Variants in CSMD1 observed in about 807,000 individuals in gnomAD.
CSMD1 encodes the protein CUB and sushi domain-containing protein 1.
Under a neutral mutation model 417.5 loss-of-function variants are expected in CSMD1, and 213 were observed. That is an observed-to-expected ratio of 0.51 (90% CI 0.46 to 0.57). The LOEUF (loss-of-function observed/expected upper bound fraction) is 0.57, where lower values mean the gene tolerates loss of function less well. Ranked by LOEUF, CSMD1 falls within the 20% of genes least tolerant of loss-of-function variation. CSMD1 has a pLI of 0.00. For synonymous variants in CSMD1, 2,862 were observed against 1,736.8 expected (o/e 1.65, Z -16.11); for missense variants, 6,923 against 4,529.7 (o/e 1.53, Z -15.17).
chr8:4,064,508 G>A (rs953135686), intron 3 of CSMD1, among the ~76,000 whole-genome samples: 2 of 152,186 alleles, frequency 1.3e-5, no homozygotes, highest in Non-Finnish European at 2.9e-5. Context: ...ATGTGAGGCA[G>A]GGATAACATC....
At chr8:3,826,690 G>T (rs114332086) in intron 5 of CSMD1, among the ~76,000 whole-genome samples, 3,028 of 152,148 alleles carry the variant, frequency 0.02, 119 homozygotes, top group African/African-American at 0.069. Context: ...ACTCTGACTT[G>T]GTCCTTGATA....
intron 12 of CSMD1, among the ~76,000 whole-genome samples, chr8:3,436,854 G>A (rs773185453): frequency 7.9e-5 from 12 of 151,962 alleles, no homozygotes; most frequent in Non-Finnish European, 1.3e-4. Flanking sequence ...GTTATGATTC[G>A]GGATTATTAG....
rs143720853 is a variant in CSMD1, at chr8:4,562,868, A to G, written c.302+74474T>C. Among the ~76,000 whole-genome samples, 584 of 152,296 alleles carry G rather than the reference A, an allele frequency of 3.8e-3. 5 individuals carry two copies. The highest frequency in any genetic ancestry group is 0.014 in the African/African-American group (567 of 41,552). The stretch of plus-strand genomic sequence containing the variant: ...TTCAAATGCCTCCAAAATACCCACA[A>G]AAACCTTAGTAAGTAACCTCCTTTC... On this transcript the variant is annotated intron_variant, in intron 2 of 69. Coordinates refer to ENST00000635120, the MANE Select transcript of CSMD1 (RefSeq NM_033225.6).
chr8:4,298,740 A>C (rs1482563034), intron 3 of CSMD1, among the ~76,000 whole-genome samples: 1 of 152,132 alleles, frequency 6.6e-6, no homozygotes, highest in African/African-American at 2.4e-5. Context: ...AGATGTTAAG[A>C]AATTAATGTT....
chr8:3,543,486 C>T (rs969089287), intron 10 of CSMD1, among the ~76,000 whole-genome samples: 5 of 151,920 alleles, frequency 3.3e-5, no homozygotes, highest in African/African-American at 4.8e-5. Context: ...TGATGATTGC[C>T]GAGACTGGCA....
chr8:4,891,991 T>C (rs1288082587), intron 1 of CSMD1, among the ~76,000 whole-genome samples: 10 of 151,978 alleles, frequency 6.6e-5, no homozygotes, highest in African/African-American at 1.5e-4. Flanking sequence ...AAGACCAAAA[T>C]AGCTCTTAAA....
At chr8:3,836,203 T>A (rs1372736108) in intron 5 of CSMD1, among the ~76,000 whole-genome samples, 1 of 152,172 alleles carries the variant, frequency 6.6e-6, no homozygotes, top group Non-Finnish European at 1.5e-5. Flanking sequence ...TTTATTTTGA[T>A]CATGTCATCG....
intron 5 of CSMD1, among the ~76,000 whole-genome samples, chr8:3,939,790 T>G (rs1227075961): frequency 6.6e-6 from 1 of 152,100 alleles, no homozygotes; most frequent in South Asian, 2.1e-4. Flanking sequence ...CGTCATATGT[T>G]CTCACTTGTG....
chr8:4,668,121 C>G (rs930985471), intron 1 of CSMD1, among the ~76,000 whole-genome samples: 1 of 152,086 alleles, frequency 6.6e-6, no homozygotes, highest in Non-Finnish European at 1.5e-5. Context: ...CAGATATTGC[C>G]TCGTATCAAA....
rs985135805 is a variant in CSMD1 at position 4,839,812 on chromosome 8, G to A, written c.85+154520C>T. 5.3e-5 allele frequency among the ~76,000 whole-genome samples: 8 copies of A among 152,030 alleles called. No individual in the cohort carries two copies. The East Asian group carries it at 7.7e-4, about 15-fold the overall frequency. The stretch of plus-strand genomic sequence containing the variant: ...ATTTAGACCTTTTGAATTAAATATC[G>A]TTAAAAATCATCTTAGTAAAGTTGA... On this transcript the variant is annotated intron_variant, in intron 1 of 69. Coordinates refer to ENST00000635120, the MANE Select transcript of CSMD1 (RefSeq NM_033225.6).
chr8:3,837,268 T>C (rs1266225289), intron 5 of CSMD1, among the ~76,000 whole-genome samples: 1 of 152,178 alleles, frequency 6.6e-6, no homozygotes, highest in African/African-American at 2.4e-5. Context: ...TAATATCATT[T>C]TATTAGATAG....
At chr8:4,962,532 G>C (rs543695452) in intron 1 of CSMD1, among the ~76,000 whole-genome samples, 1 of 152,124 alleles carries the variant, frequency 6.6e-6, no homozygotes. Flanking sequence ...TTTATCTTAT[G>C]AAGCATGGAG....
intron 3 of CSMD1, among the ~76,000 whole-genome samples, chr8:4,072,516 G>A (rs987702897): frequency 1.3e-5 from 2 of 152,082 alleles, no homozygotes; most frequent in African/African-American, 2.4e-5. Context: ...ATTGCTGAAA[G>A]CTCTAAACAG....
At chr8:3,709,456 C>A (rs1801370177) in intron 6 of CSMD1, among the ~76,000 whole-genome samples, 1 of 152,072 alleles carries the variant, frequency 6.6e-6, no homozygotes, top group Non-Finnish European at 1.5e-5. Flanking sequence ...GACTGCACCA[C>A]AAGGTGCTCA....
At chr8:4,128,889 T>C (rs1209016615) in intron 3 of CSMD1, among the ~76,000 whole-genome samples, 2 of 152,102 alleles carry the variant, frequency 1.3e-5, no homozygotes, top group Non-Finnish European at 2.9e-5. Flanking sequence ...TGAATATTTC[T>C]GTCTCGTACA....
intron 1 of CSMD1, among the ~76,000 whole-genome samples, chr8:4,944,715 G>A (rs1283618393): frequency 2.6e-5 from 4 of 152,064 alleles, no homozygotes; most frequent in Admixed American, 6.5e-5. Context: ...GATGACTACT[G>A]TCGAAAAGAA....
chr8:3,929,339 A>G (rs1211740205), intron 5 of CSMD1, among the ~76,000 whole-genome samples: 2 of 150,624 alleles, frequency 1.3e-5, no homozygotes, highest in East Asian at 2.0e-4. Context: ...AACTGCATAC[A>G]TAATTTTTAA....
At chr8:3,609,768 TAAAG>T (rs1801797808) in intron 8 of CSMD1, among the ~76,000 whole-genome samples, 1 of 145,130 alleles carries the variant, frequency 6.9e-6, no homozygotes, top group African/African-American at 2.5e-5. Flanking sequence ...TACCTTTCAT[TAAAG>T]AGAGTCTCAA....
chr8:4,790,374 T>C (rs908603155), intron 1 of CSMD1, among the ~76,000 whole-genome samples: 8 of 152,068 alleles, frequency 5.3e-5, no homozygotes, highest in African/African-American at 1.4e-4. Context: ...ACAGGAAGAA[T>C]CAATATTGTT....
Sources: gnomAD v4.1 joint callset for allele counts (sites outside exome capture counted in the v4.1 genomes callset) on GRCh38, gnomAD v4.1.1 for gene constraint, MANE v1.5 for transcripts, NCBI Gene and HGNC (gene_info 2026-07-23, HGNC 2026-07-21) for gene names.